DAB2IP: variants seen among roughly 807,000 people sequenced by gnomAD.
DAB2IP encodes DAB2 interacting protein.
Under a neutral mutation model 107.2 loss-of-function variants are expected in DAB2IP, and 28 were observed. That is an observed-to-expected ratio of 0.26 (90% CI 0.19 to 0.36). The LOEUF (loss-of-function observed/expected upper bound fraction) is 0.36, where lower values mean the gene tolerates loss of function less well. DAB2IP is among the 10% of genes least tolerant of loss of function. The pLI is 1.00. For synonymous variants in DAB2IP, 755 were observed against 706.4 expected (o/e 1.07, Z -1.09); for missense variants, 1,400 against 1,644.7 (o/e 0.85, Z 2.57).
chr9:121,575,465 C>T, intron 1 of DAB2IP: 1 of 152,154 alleles, frequency 6.6e-6, no homozygotes, highest in East Asian at 1.9e-4. Flanking sequence ...TCCGGGTCCC[C>T]TAAGCTTTCC....
chr9:121,776,174 C>T lies in DAB2IP; in HGVS notation c.3121-24C>T. ...GCTCTCTGTGTCCTGGGTGCTGTGC[C>T]CGTGGACGCTGCCCTCCTGGTAGGA... On this transcript the variant is annotated intron_variant, in intron 13 of 15. Coordinates refer to ENST00000408936, the Ensembl canonical transcript of DAB2IP. This position sits in a 1 kb window ranked among gnomAD's most constrained non-coding sequence, Gnocchi z 5.4. 6.4e-7 allele frequency: 1 copy of T among 1,558,470 alleles called. No homozygotes were observed. Among genetic ancestry groups the T allele is most frequent in the Non-Finnish European group, 8.7e-7 (1 of 1,150,982 alleles).
At chr9:121,608,273 TCTTA>T (rs1398451549) in intron 1 of DAB2IP, among the ~76,000 whole-genome samples, 1 of 152,160 alleles carries the variant, frequency 6.6e-6, no homozygotes, top group African/African-American at 2.4e-5. Flanking sequence ...GTGCCCAATT[TCTTA>T]CTTGAGACTG....
At chr9:121,583,373 T>C (rs958993512) in intron 1 of DAB2IP, among the ~76,000 whole-genome samples, 1 of 151,904 alleles carries the variant, frequency 6.6e-6, no homozygotes, top group Non-Finnish European at 1.5e-5. Flanking sequence ...CCTGGGCAAC[T>C]GAGTGAGACT....
At chr9:121,628,481 A>G (rs1589426611) in intron 1 of DAB2IP, among the ~76,000 whole-genome samples, 1 of 152,268 alleles carries the variant, frequency 6.6e-6, no homozygotes, top group South Asian at 2.1e-4. Context: ...TGGTGGTTGG[A>G]GGTGATAAGG....
chr9:121,592,759 T>G (rs1830442476), intron 1 of DAB2IP, among the ~76,000 whole-genome samples: 1 of 152,188 alleles, frequency 6.6e-6, no homozygotes, highest in Non-Finnish European at 1.5e-5. Context: ...GACGATGCCT[T>G]TGGCAAATCA....
At chr9:121,651,153 G>A (rs949885537), upstream of DAB2IP, among the ~76,000 whole-genome samples, 2 of 152,192 alleles carry the variant, frequency 1.3e-5, no homozygotes, top group African/African-American at 2.4e-5. The surrounding 1 kb of genome is among the most constrained non-coding windows in gnomAD (Gnocchi z 5.1). Flanking sequence ...TGTATCAGAC[G>A]GGACAACCTT....
chr9:121,664,673 A>AAGTTAAACAAGTAGTTTATG (rs1473562263), intron 1 of DAB2IP, among the ~76,000 whole-genome samples: 5 of 152,250 alleles, frequency 3.3e-5, no homozygotes, highest in Non-Finnish European at 5.9e-5. Flanking sequence ...TGCAGCTAAC[A>AAGTTAAACAAGTAGTTTATG]AGTTAAACAA....
intron 1 of DAB2IP, among the ~76,000 whole-genome samples, chr9:121,644,026 A>C (rs1445567011): frequency 6.6e-6 from 1 of 152,296 alleles, no homozygotes; most frequent in East Asian, 1.9e-4. Context: ...AAAATTAGCC[A>C]GGCATGGTGG....
At chr9:121,611,820 A>G (rs1232122652) in intron 1 of DAB2IP, among the ~76,000 whole-genome samples, 6 of 152,140 alleles carry the variant, frequency 3.9e-5, no homozygotes, top group Non-Finnish European at 4.4e-5. Context: ...CCTGGCCTCA[A>G]GTGATCCACC....
chr9:121,685,512 G>C (rs1828827171), intron 2 of DAB2IP, among the ~76,000 whole-genome samples: 1 of 152,238 alleles, frequency 6.6e-6, no homozygotes, highest in Non-Finnish European at 1.5e-5. Flanking sequence ...CCATTTTACA[G>C]TTGAGGATCC....
chr9:121,588,625 A>AAGGGAAGGGAAGGGG, intron 1 of DAB2IP, among the ~76,000 whole-genome samples: 2 of 146,672 alleles, frequency 1.4e-5, no homozygotes, highest in Non-Finnish European at 3.0e-5. Flanking sequence ...AAGGGAAGGG[A>AAGGGAAGGGAAGGGG]AGGGAAGGGA....
chr9:121,691,283 T>C (rs1202236409), intron 2 of DAB2IP, among the ~76,000 whole-genome samples: 1 of 152,066 alleles, frequency 6.6e-6, no homozygotes, highest in African/African-American at 2.4e-5. Context: ...TAATTACAAC[T>C]GTGGTAAGTC....
At chr9:121,734,842 G>C (rs938005357) in intron 3 of DAB2IP, among the ~76,000 whole-genome samples, 8 of 152,218 alleles carry the variant, frequency 5.3e-5, no homozygotes, top group African/African-American at 1.7e-4. Flanking sequence ...TTCCAGACTT[G>C]ATTTCATCTA....
intron 1 of DAB2IP, among the ~76,000 whole-genome samples, chr9:121,568,997 AG>A (rs758438845): frequency 3.3e-5 from 5 of 152,176 alleles, no homozygotes; most frequent in Non-Finnish European, 5.9e-5. Context: ...GGGATTCAAG[AG>A]GAAGAGGAAA....
intron 8 of DAB2IP, among the ~76,000 whole-genome samples, chr9:121,764,911 C>T (rs1834158893): frequency 6.6e-6 from 1 of 152,306 alleles, no homozygotes; most frequent in African/African-American, 2.4e-5. Context: ...GCTGGGGCAC[C>T]CTGGGGGCAG....
At chr9:121,755,773 G>A (rs938759568) in intron 3 of DAB2IP, among the ~76,000 whole-genome samples, 8 of 152,306 alleles carry the variant, frequency 5.3e-5, no homozygotes, top group Middle Eastern at 3.4e-3. Flanking sequence ...CGGGGCAGTC[G>A]CAGAAATGAG....
intron 3 of DAB2IP, among the ~76,000 whole-genome samples, chr9:121,748,080 T>C (rs147488339): frequency 7.2e-4 from 109 of 152,296 alleles, no homozygotes; most frequent in African/African-American, 2.6e-3. Context: ...TATTACATTA[T>C]TACAGGTGAT....
intron 3 of DAB2IP, among the ~76,000 whole-genome samples, chr9:121,745,646 T>TG (rs1369350682): frequency 9.9e-5 from 1 of 10,138 alleles, no homozygotes; most frequent in African/African-American, 3.5e-4. Context: ...GGGGCGGGGG[T>TG]GGGGGGTGGG....
At chr9:121,693,031 C>G (rs578022241) in intron 2 of DAB2IP, among the ~76,000 whole-genome samples, 1 of 152,352 alleles carries the variant, frequency 6.6e-6, no homozygotes, top group Admixed American at 6.5e-5. Context: ...TGGAAAGGAG[C>G]TTGGTGATCA....
Sources: allele counts gnomAD v4.1 joint callset (sites outside exome capture counted in the v4.1 genomes callset), GRCh38; gene constraint gnomAD v4.1.1; non-coding constraint Gnocchi (gnomAD v3.1); transcripts MANE v1.5; gene names NCBI Gene and HGNC (gene_info 2026-07-23, HGNC 2026-07-21).